ARID2: variants seen among roughly 807,000 people sequenced by gnomAD.
The protein encoded by ARID2 is AT-rich interactive domain-containing protein 2.
Under a neutral mutation model 184.6 loss-of-function variants are expected in ARID2, and 32 were observed. That is an observed-to-expected ratio of 0.17 (90% CI 0.13 to 0.23). The LOEUF (loss-of-function observed/expected upper bound fraction) is 0.23. ARID2 is among the 10% of genes least tolerant of loss of function. ARID2 has a pLI of 1.00. For synonymous variants in ARID2, 836 were observed against 772.6 expected, an observed-to-expected ratio of 1.08 and a Z score of -1.36; for missense variants, 1,696 against 2,197.6, an observed-to-expected ratio of 0.77 and a Z score of 4.56.
At chr12:45,800,664 T>TG (rs1942481391) in intron 3 of ARID2, among the ~76,000 whole-genome samples, 1 of 152,012 alleles carries the variant, frequency 6.6e-6, no homozygotes, top group Non-Finnish European at 1.5e-5. Context: ...CAGTGTTTAT[T>TG]GGGGAGAAAG....
At chr12:45,739,207 G>A (rs1029758950) in intron 3 of ARID2, among the ~76,000 whole-genome samples, 3 of 152,022 alleles carry the variant, frequency 2.0e-5, no homozygotes, top group Non-Finnish European at 4.4e-5. Context: ...TCAAACTCCT[G>A]ACCTCAGGTG....
chr12:45,821,686 A>C (rs1404308471), intron 6 of ARID2, among the ~76,000 whole-genome samples, 199 bp downstream of exon 6: 2 of 152,192 alleles, frequency 1.3e-5, no homozygotes, highest in Non-Finnish European at 2.9e-5. Flanking sequence ...ACAGACATAA[A>C]ATTTTCATTG....
At chr12:45,871,274 T>A (rs966037259) in intron 16 of ARID2, among the ~76,000 whole-genome samples, 25 of 152,246 alleles carry the variant, frequency 1.6e-4, no homozygotes, top group African/African-American at 5.5e-4. Context: ...TCTATTCAGA[T>A]ATTTAACCCA....
intron 3 of ARID2, among the ~76,000 whole-genome samples, chr12:45,738,991 A>T: frequency 6.7e-6 from 1 of 150,030 alleles, no homozygotes. Flanking sequence ...TCTTTTTGAG[A>T]CAGTTTCGCT....
intron 4 of ARID2, 42 bp from the exon 5 acceptor site, chr12:45,817,628 T>C (rs1565607346): frequency 1.2e-5 from 17 of 1,426,638 alleles, no homozygotes; most frequent in Non-Finnish European, 1.6e-5. Flanking sequence ...CATAAAGGTA[T>C]CTGATCTTTG....
At chr12:45,891,663 C>G (rs1435216226) in intron 16 of ARID2, 117 bp from the exon 17 acceptor site, 1 of 1,120,860 alleles carries the variant, frequency 8.9e-7, no homozygotes, top group Non-Finnish European at 1.2e-6. Context: ...AACAATTTAC[C>G]AAAAGTGTTC....
At chr12:45,789,967 A>T (rs1224956464) in intron 3 of ARID2, among the ~76,000 whole-genome samples, 4 of 152,220 alleles carry the variant, frequency 2.6e-5, no homozygotes, top group Non-Finnish European at 1.5e-5. Context: ...AAACCAAAAC[A>T]AAACAAAACG....
intron 3 of ARID2, among the ~76,000 whole-genome samples, chr12:45,808,106 G>A (rs758631289): frequency 1.8e-4 from 28 of 152,180 alleles, no homozygotes; most frequent in Non-Finnish European, 3.8e-4. Flanking sequence ...CGATTTTTGA[G>A]GAGAAAGATG....
chr12:45,730,026 G>A lies in ARID2; in HGVS notation c.93-18G>A, dbSNP rs775326909. 7 of 1,612,446 alleles carry A rather than the reference G, an allele frequency of 4.3e-6. No individual in the cohort carries two copies. Among genetic ancestry groups the A allele is most frequent in the Non-Finnish European group, 5.9e-6 (7 of 1,179,344 alleles). On this transcript the variant is annotated intron_variant, in intron 1 of 20. Transcript: ENST00000334344. ...CGGGGTCCCGGCTGACAAGTGCGGG[G>A]CTTTTTCTCTCCCGCAGGTCGCCTT...
intron 10 of ARID2, among the ~76,000 whole-genome samples, chr12:45,838,962 T>G (rs1455273867): frequency 6.7e-6 from 1 of 150,064 alleles, no homozygotes; most frequent in Non-Finnish European, 1.5e-5. Flanking sequence ...GCCTCCTGGG[T>G]TCATGCCATT....
chr12:45,842,574 T>C lies in ARID2; in HGVS notation c.1498+3078T>C, dbSNP rs577862840. 7.6e-4 allele frequency among the ~76,000 whole-genome samples: 115 copies of C among 152,076 alleles called. 4 individuals carry two copies. The South Asian group carries it at 0.022, about 29-fold the overall frequency. ...GAGATTGAGACCATCCTGGCCAACA[T>C]GGTGAAACCCCATCTCTACTAAAAA... On this transcript the variant is annotated intron_variant, in intron 11 of 20. Transcript: ENST00000334344.
chr12:45,893,108 C>T (rs771805062), intron 18 of ARID2, among the ~76,000 whole-genome samples: 3 of 152,106 alleles, frequency 2.0e-5, no homozygotes, highest in East Asian at 1.9e-4. Context: ...GCTATAACTT[C>T]GATGCTACGT....
At chr12:45,893,578 C>G in intron 19 of ARID2, 35 bp downstream of exon 19, 1 of 1,610,150 alleles carries the variant, frequency 6.2e-7, no homozygotes, top group Non-Finnish European at 8.5e-7. Context: ...CTGTAAAAGT[C>G]TGAGTCCTGT....
rs1942581585 is a variant in ARID2 at position 45,805,380 on chromosome 12, C to T, written c.285-6038C>T. 5.3e-5 allele frequency among the ~76,000 whole-genome samples: 8 copies of T among 151,970 alleles called. No homozygotes were observed. The South Asian group carries it at 1.7e-3, about 31-fold the overall frequency. ...TAACATACAGAGTAGAGCTTTAATT[C>T]TTACTAGTTTTCTTCTCCCATTTAT... On this transcript the variant is annotated intron_variant, in intron 3 of 20. Coordinates refer to ENST00000334344, the MANE Select transcript of ARID2 (RefSeq NM_152641.4).
intron 18 of ARID2, among the ~76,000 whole-genome samples, chr12:45,892,479 C>CAT (rs150289482): frequency 0.6 from 89,976 of 150,302 alleles, 28,242 homozygotes; most frequent in African/African-American, 0.82. Context: ...TTGTCATTAT[C>CAT]ATATATATAT....
At chr12:45,875,170 A>C (rs758093919) in intron 16 of ARID2, among the ~76,000 whole-genome samples, 14 of 152,198 alleles carry the variant, frequency 9.2e-5, no homozygotes, top group Non-Finnish European at 1.8e-4. Flanking sequence ...TGGGCTGCAG[A>C]ATGGATGTTG....
At chr12:45,741,601 A>G (rs966824824) in intron 3 of ARID2, among the ~76,000 whole-genome samples, 1 of 152,050 alleles carries the variant, frequency 6.6e-6, no homozygotes, top group African/African-American at 2.4e-5. Flanking sequence ...ATTGTTATGC[A>G]TTTTGCTGCT....
intron 3 of ARID2, among the ~76,000 whole-genome samples, chr12:45,758,124 A>G (rs1313998436): frequency 1.3e-5 from 2 of 152,220 alleles, no homozygotes; most frequent in Non-Finnish European, 2.9e-5. Flanking sequence ...CAGTTTCTCG[A>G]CATATTACAT....
chr12:45,907,154 CCGCTG>C lies in ARID2; in HGVS notation c.*2077_*2081del. 4.3e-6 allele frequency: 1 copy of C among 232,780 alleles called. No individual in the cohort carries two copies. Among genetic ancestry groups the C allele is most frequent in the Non-Finnish European group, 8.5e-6 (1 of 117,768 alleles). The allele number at this position is 232,780 out of a possible 1,614,324, so 14.4% of individuals were successfully genotyped here. ...CAAGACTGGCACTGCCCAACAGACA[CCGCTG>C]AAATCATGTGGGTATCCCTAGGATG... On this transcript the variant is annotated 3_prime_UTR_variant, in exon 21 of 21. Coordinates refer to ENST00000334344, the MANE Select transcript of ARID2 (RefSeq NM_152641.4).
Sources: allele counts gnomAD v4.1 joint callset (sites outside exome capture counted in the v4.1 genomes callset), GRCh38; gene constraint gnomAD v4.1.1; transcripts MANE v1.5; gene names NCBI Gene and HGNC (gene_info 2026-07-23, HGNC 2026-07-21).